Variants in ERC2 observed in about 807,000 individuals in gnomAD.
ERC2 encodes ELKS/RAB6-interacting/CAST family member 2.
A neutral mutation model predicts 114.8 loss-of-function variants in ERC2; 42 were observed. The observed-to-expected ratio is 0.37, with a 90% CI of 0.29 to 0.47. The LOEUF (loss-of-function observed/expected upper bound fraction) is 0.47, where lower values mean the gene tolerates loss of function less well. Among genes scored for constraint, ERC2 ranks in the 20% least tolerant of loss-of-function variants. The probability of loss-of-function intolerance (pLI) is 0.99; values close to 1 mark genes in which losing one functional copy is unlikely to be tolerated. For missense variants in ERC2, 939 were observed against 1,150.7 expected, an observed-to-expected ratio of 0.82 and a Z score of 2.66; for synonymous variants, 454 against 425.5, an observed-to-expected ratio of 1.07 and a Z score of -0.82.
At chr3:55,638,653 C>A (rs112997988) in intron 17 of ERC2, among the ~76,000 whole-genome samples, 1 of 152,172 alleles carries the variant, frequency 6.6e-6, no homozygotes, top group Non-Finnish European at 1.5e-5. Context: ...AGAGTCCTTG[C>A]CCATCCCCCA....
chr3:55,576,954 G>A (rs184666566), intron 17 of ERC2, among the ~76,000 whole-genome samples: 342 of 152,340 alleles, frequency 2.2e-3, no homozygotes, highest in African/African-American at 7.9e-3. Flanking sequence ...GAGTCTTGCC[G>A]TGCTCTGTCT....
At chr3:56,140,209 T>C (rs896258899) in intron 5 of ERC2, among the ~76,000 whole-genome samples, 1 of 151,956 alleles carries the variant, frequency 6.6e-6, no homozygotes, top group Non-Finnish European at 1.5e-5. Context: ...TGAGGAAAAA[T>C]GACCCAAAAA....
chr3:55,820,269 C>A (rs2060072410), intron 14 of ERC2, among the ~76,000 whole-genome samples: 1 of 152,114 alleles, frequency 6.6e-6, no homozygotes, highest in African/African-American at 2.4e-5. Flanking sequence ...CTCTCTGAGG[C>A]ATAAGGGAGT....
At chr3:56,041,936 T>C (rs1448445112) in intron 7 of ERC2, among the ~76,000 whole-genome samples, 1 of 152,138 alleles carries the variant, frequency 6.6e-6, no homozygotes, top group Non-Finnish European at 1.5e-5. Flanking sequence ...TAAAAACAGA[T>C]TATTTTTCAC....
At chr3:56,095,748 A>C (rs1276077307) in intron 6 of ERC2, among the ~76,000 whole-genome samples, 1 of 152,134 alleles carries the variant, frequency 6.6e-6, no homozygotes, top group Non-Finnish European at 1.5e-5. Context: ...AAATTAATTG[A>C]TTGCCTGCAT....
At chr3:55,691,136 G>T (rs1210463084) in intron 16 of ERC2, among the ~76,000 whole-genome samples, 2 of 152,136 alleles carry the variant, frequency 1.3e-5, no homozygotes, top group Non-Finnish European at 2.9e-5. Context: ...TTTCCCAAGG[G>T]TGGGAAATCA....
chr3:56,155,713 A>C (rs1469985353), intron 4 of ERC2, among the ~76,000 whole-genome samples: 1 of 152,138 alleles, frequency 6.6e-6, no homozygotes, highest in Non-Finnish European at 1.5e-5. Flanking sequence ...AGATGAATAA[A>C]AATAATATTA....
intron 17 of ERC2, among the ~76,000 whole-genome samples, chr3:55,558,135 C>T (rs1256437032): frequency 6.6e-6 from 1 of 152,200 alleles, no homozygotes; most frequent in African/African-American, 2.4e-5. Context: ...ACTTGTCCTG[C>T]CTCTCTGCCT....
chr3:55,820,489 T>G (rs1241557290), intron 14 of ERC2, among the ~76,000 whole-genome samples: 1 of 152,168 alleles, frequency 6.6e-6, no homozygotes, highest in Admixed American at 6.5e-5. Context: ...GTTATAATAT[T>G]CAAAATTTTA....
intron 16 of ERC2, among the ~76,000 whole-genome samples, chr3:55,689,887 A>G (rs902569665): frequency 1.3e-5 from 2 of 152,236 alleles, no homozygotes; most frequent in African/African-American, 4.8e-5. Flanking sequence ...TGTGCAAATT[A>G]AACCCAAGAA....
chr3:56,431,353 A>C (rs908624285), intron 2 of ERC2, among the ~76,000 whole-genome samples: 1 of 152,132 alleles, frequency 6.6e-6, no homozygotes, highest in African/African-American at 2.4e-5. Context: ...ACTCCCTTCA[A>C]TTATGTCACT....
At position 56,087,073 on chromosome 3, in the gene ERC2, T is replaced by A. The variant is rs79293070; in HGVS notation, c.1474-6089A>T. Among the ~76,000 whole-genome samples, 789 of 152,238 alleles carry A rather than the reference T, an allele frequency of 5.2e-3. 5 individuals are homozygous for A. The highest frequency in any genetic ancestry group is 0.018 in the African/African-American group (762 of 41,554). ...TGCACAAAGACCCAGAAGGTTGAATTTCCAATTTTTACATATGACTTAACC... is the reference window on the plus strand; with the variant it reads ...TGCACAAAGACCCAGAAGGTTGAATATCCAATTTTTACATATGACTTAACC... On this transcript the variant is annotated intron_variant, in intron 6 of 17. Transcript: ENST00000288221.
At chr3:56,346,696 T>C (rs894469497) in intron 2 of ERC2, among the ~76,000 whole-genome samples, 1 of 152,240 alleles carries the variant, frequency 6.6e-6, no homozygotes, top group Non-Finnish European at 1.5e-5. Context: ...ATAACAATAC[T>C]GTCTTAGTCT....
At chr3:55,637,009 C>G (rs1050801261) in intron 17 of ERC2, among the ~76,000 whole-genome samples, 2 of 152,172 alleles carry the variant, frequency 1.3e-5, no homozygotes, top group Non-Finnish European at 2.9e-5. Flanking sequence ...TTGCCAGGAC[C>G]TGTTGTGGTC....
chr3:56,430,866 A>G (rs1467400448), intron 2 of ERC2, among the ~76,000 whole-genome samples: 7 of 152,150 alleles, frequency 4.6e-5, no homozygotes, highest in African/African-American at 1.7e-4. Context: ...TCTAGCATGT[A>G]TGAAGTAGGA....
At chr3:56,402,424 T>C (rs534375309) in intron 2 of ERC2, among the ~76,000 whole-genome samples, 3 of 152,274 alleles carry the variant, frequency 2.0e-5, no homozygotes, top group African/African-American at 7.2e-5. Flanking sequence ...GATGCTTTCA[T>C]CTCTTCCCTG....
At chr3:56,324,594 C>CT (rs1160345492) in intron 2 of ERC2, among the ~76,000 whole-genome samples, 1 of 152,090 alleles carries the variant, frequency 6.6e-6, no homozygotes, top group African/African-American at 2.4e-5. Context: ...TCTAACGGGC[C>CT]TTCATGCATC....
intron 3 of ERC2, among the ~76,000 whole-genome samples, chr3:56,244,492 G>C (rs1281672506): frequency 2.6e-5 from 4 of 152,054 alleles, no homozygotes; most frequent in Non-Finnish European, 5.9e-5. Flanking sequence ...AGCTCCATGC[G>C]TGTTACTGCC....
At chr3:55,781,049 A>G (rs941208415) in intron 14 of ERC2, among the ~76,000 whole-genome samples, 4 of 152,198 alleles carry the variant, frequency 2.6e-5, no homozygotes, top group Admixed American at 2.6e-4. Flanking sequence ...ACCCAAATAC[A>G]TTTGGACATT....
Sources: allele counts gnomAD v4.1 joint callset (sites outside exome capture counted in the v4.1 genomes callset), GRCh38; gene constraint gnomAD v4.1.1; transcripts MANE v1.5; gene names NCBI Gene and HGNC (gene_info 2026-07-23, HGNC 2026-07-21).